IL1RAPL2: variants seen among roughly 807,000 people sequenced by gnomAD.
The protein encoded by IL1RAPL2 is X-linked interleukin-1 receptor accessory protein-like 2.
A neutral mutation model predicts 44.1 loss-of-function variants in IL1RAPL2; 3 were observed. That is an observed-to-expected ratio of 0.07 (90% CI 0.03 to 0.18). IL1RAPL2 has a LOEUF of 0.18. IL1RAPL2 is among the 10% of genes least tolerant of loss of function. The pLI, the probability that IL1RAPL2 is intolerant of heterozygous loss-of-function variation, is 1.00. For synonymous variants in IL1RAPL2, 181 were observed against 178.8 expected (o/e 1.01, Z -0.10); for missense variants, 391 against 496.4 (o/e 0.79, Z 2.02).
At chrX:104,748,447 A>G (rs1208435809) in intron 2 of IL1RAPL2, among the ~76,000 whole-genome samples, 3 of 111,831 alleles carry the variant, frequency 2.7e-5, no homozygotes, top group Admixed American at 9.5e-5. Context: ...ACTGACAGGT[A>G]TGGGCTTATG....
At chrX:105,765,226 T>G (rs1010740345) in intron 10 of IL1RAPL2, 6 of 112,041 alleles carry the variant, frequency 5.4e-5, no homozygotes. Flanking sequence ...AACTTCTTTC[T>G]TTTTGGGAGC....
chrX:105,201,308 T>G (rs1166614418), intron 3 of IL1RAPL2, among the ~76,000 whole-genome samples: 1 of 112,037 alleles, frequency 8.9e-6, no homozygotes, highest in Non-Finnish European at 1.9e-5. Context: ...TGGATACACT[T>G]GAAACGAAAA....
At chrX:105,092,081 GT>G (rs745610683) in intron 2 of IL1RAPL2, among the ~76,000 whole-genome samples, 3 of 111,068 alleles carry the variant, frequency 2.7e-5, no homozygotes, top group Non-Finnish European at 3.8e-5. Context: ...CCTTTTCAAT[GT>G]TTTTTTTATT....
intron 6 of IL1RAPL2, among the ~76,000 whole-genome samples, chrX:105,616,558 T>C (rs866387361): frequency 6.3e-5 from 7 of 111,565 alleles, no homozygotes; most frequent in African/African-American, 2.3e-4. Context: ...TTTCATGTGC[T>C]TCTTAGGCAT....
intron 2 of IL1RAPL2, among the ~76,000 whole-genome samples, chrX:104,964,225 T>G (rs2030068660): frequency 9.0e-6 from 1 of 111,510 alleles, no homozygotes; most frequent in Non-Finnish European, 1.9e-5. Context: ...AATTGTTGAC[T>G]TGTCATTTTA....
At chrX:105,566,034 C>T (rs1302000663) in intron 6 of IL1RAPL2, among the ~76,000 whole-genome samples, 1 of 110,900 alleles carries the variant, frequency 9.0e-6, no homozygotes, top group South Asian at 3.8e-4. Flanking sequence ...TATAGTGATT[C>T]ACGAGGGGAT....
chrX:105,245,995 A>T (rs1241897068), intron 4 of IL1RAPL2, among the ~76,000 whole-genome samples: 1 of 112,696 alleles, frequency 8.9e-6, no homozygotes, highest in Non-Finnish European at 1.9e-5. Flanking sequence ...TTCATTCAGC[A>T]CATATGTATT....
chrX:105,659,142 A>AC (rs1474136512), intron 6 of IL1RAPL2, among the ~76,000 whole-genome samples: 1 of 109,792 alleles, frequency 9.1e-6, no homozygotes, highest in African/African-American at 3.3e-5. Context: ...ACAAAACAAA[A>AC]AGAAAACAAA....
chrX:104,633,741 T>C (rs927387652), intron 1 of IL1RAPL2, among the ~76,000 whole-genome samples: 14 of 111,449 alleles, frequency 1.3e-4, no homozygotes, highest in African/African-American at 4.2e-4. Context: ...TTTTCTTCTT[T>C]ATTAGTCTTG....
intron 2 of IL1RAPL2, among the ~76,000 whole-genome samples, chrX:104,884,150 T>A (rs1163767110): frequency 9.0e-6 from 1 of 111,313 alleles, no homozygotes; most frequent in Non-Finnish European, 1.9e-5. Flanking sequence ...TAAGGGCCAC[T>A]AAATCTGATT....
rs1379680542 is a variant in IL1RAPL2, at chrX:105,688,623, A to G, written c.773-28744A>G. On this transcript the variant is annotated intron_variant, in intron 6 of 10. Transcript: ENST00000372582. ...CCATGCTCATGAAGAGGAAGAATCA[A>G]TATCATGAAAATGGCCATGCTGCCC... 2.7e-5 allele frequency among the ~76,000 whole-genome samples: 3 copies of G among 112,150 alleles called. No individual in the cohort carries two copies. In the East Asian group the frequency reaches 8.4e-4, roughly 32 times the overall value.
chrX:104,942,570 C>T (rs1205428905), intron 2 of IL1RAPL2, among the ~76,000 whole-genome samples: 1 of 111,782 alleles, frequency 8.9e-6, no homozygotes, highest in Non-Finnish European at 1.9e-5. Flanking sequence ...GCTGAAGTTG[C>T]TTATCAGCTT....
chrX:105,217,278 CA>C (rs1387141264), intron 3 of IL1RAPL2, among the ~76,000 whole-genome samples: 1 of 111,313 alleles, frequency 9.0e-6, no homozygotes, highest in Non-Finnish European at 1.9e-5. Flanking sequence ...ACAACCCCAT[CA>C]AAAAGTGGGT....
chrX:104,817,351 G>A (rs1477755429), intron 2 of IL1RAPL2, among the ~76,000 whole-genome samples: 2 of 112,334 alleles, frequency 1.8e-5, no homozygotes, highest in Non-Finnish European at 3.8e-5. Context: ...GGGAACATGG[G>A]TTCTGGTTTC....
At chrX:105,154,812 G>A (rs1775376158) in intron 2 of IL1RAPL2, among the ~76,000 whole-genome samples, 1 of 111,105 alleles carries the variant, frequency 9.0e-6, no homozygotes, top group African/African-American at 3.3e-5. Flanking sequence ...TCTATCACCA[G>A]CTGTAATCAT....
intron 5 of IL1RAPL2, among the ~76,000 whole-genome samples, chrX:105,329,572 A>G (rs1413017823): frequency 8.9e-6 from 1 of 112,085 alleles, no homozygotes; most frequent in Non-Finnish European, 1.9e-5. Flanking sequence ...ACAATTGGCT[A>G]TGAACAGGTG....
At chrX:104,671,222 T>G (rs370236826) in intron 2 of IL1RAPL2, among the ~76,000 whole-genome samples, 1 of 110,970 alleles carries the variant, frequency 9.0e-6, no homozygotes, top group Non-Finnish European at 1.9e-5. Flanking sequence ...ACAATTCATT[T>G]AGGCTCCAGG....
At chrX:104,902,891 C>T (rs1294674704) in intron 2 of IL1RAPL2, among the ~76,000 whole-genome samples, 9 of 111,330 alleles carry the variant, frequency 8.1e-5, no homozygotes, top group African/African-American at 2.9e-4. Context: ...TTGTGGTGTT[C>T]TGGGGGAGAT....
At chrX:104,867,392 T>A (rs1922648852) in intron 2 of IL1RAPL2, among the ~76,000 whole-genome samples, 1 of 111,244 alleles carries the variant, frequency 9.0e-6, no homozygotes, top group South Asian at 3.8e-4. Flanking sequence ...TCTAATTGCC[T>A]CTTCTCTTTC....
Sources: allele counts gnomAD v4.1 joint callset (sites outside exome capture counted in the v4.1 genomes callset), GRCh38; gene constraint gnomAD v4.1.1; transcripts MANE v1.5; gene names NCBI Gene and HGNC (gene_info 2026-07-23, HGNC 2026-07-21).